CNTN1: variants seen among roughly 807,000 people sequenced by gnomAD.
CNTN1 encodes contactin-1.
Under a neutral mutation model 126.4 loss-of-function variants are expected in CNTN1, and 38 were observed. The ratio of observed to expected loss-of-function variants is 0.30; its 90% CI spans 0.23 to 0.39. The LOEUF is 0.39. Ranked by LOEUF, CNTN1 falls within the 10% of genes least tolerant of loss-of-function variation. CNTN1 has a pLI of 1.00. For synonymous variants in CNTN1, 413 were observed against 422.6 expected (o/e 0.98, Z 0.28); for missense variants, 1,009 against 1,248.4 (o/e 0.81, Z 2.89).
intron 1 of CNTN1, among the ~76,000 whole-genome samples, chr12:40,755,538 C>A (rs1023334656): frequency 6.6e-6 from 1 of 151,558 alleles, no homozygotes; most frequent in Non-Finnish European, 1.5e-5. Flanking sequence ...ATAGTGAGAT[C>A]CTCTCTCTAC....
intron 1 of CNTN1, among the ~76,000 whole-genome samples, chr12:40,860,067 T>C (rs997805319): frequency 6.6e-6 from 1 of 152,136 alleles, no homozygotes; most frequent in Non-Finnish European, 1.5e-5. Context: ...TATAAGACTT[T>C]TACATTTTTT....
intron 1 of CNTN1, among the ~76,000 whole-genome samples, chr12:40,732,765 T>C (rs577154157): frequency 5.3e-4 from 80 of 152,252 alleles, no homozygotes; most frequent in African/African-American, 1.8e-3. Flanking sequence ...GAATTAATTC[T>C]ATAAAAATCC....
intron 17 of CNTN1, among the ~76,000 whole-genome samples, chr12:41,009,465 G>T (rs1307577059): frequency 6.6e-6 from 1 of 152,136 alleles, no homozygotes; most frequent in Non-Finnish European, 1.5e-5. Flanking sequence ...CCTTACTCAG[G>T]TAACCCACTG....
At chr12:40,696,490 G>A (rs1941455993) in intron 1 of CNTN1, among the ~76,000 whole-genome samples, 1 of 152,128 alleles carries the variant, frequency 6.6e-6, no homozygotes, top group African/African-American at 2.4e-5. Flanking sequence ...TTTAATCTAA[G>A]ATGCCATGTA....
At chr12:40,732,685 A>G (rs540728332) in intron 1 of CNTN1, among the ~76,000 whole-genome samples, 9 of 152,182 alleles carry the variant, frequency 5.9e-5, no homozygotes, top group African/African-American at 1.9e-4. Flanking sequence ...GGAAACCTCA[A>G]AGAAAAGCAC....
chr12:40,957,876 T>C lies in CNTN1; in HGVS notation c.1684-1238T>C, dbSNP rs139786275. ...CTCTCAGCTATTATTCTTAACCTCA[T>C]TAATCCAGCAAGGGTTGCAAACCCA... On this transcript the variant is annotated intron_variant, in intron 14 of 23. Coordinates refer to ENST00000551295, the MANE Select transcript of CNTN1 (RefSeq NM_001843.4). Among the ~76,000 whole-genome samples, 817 of 152,092 alleles carry C rather than the reference T, an allele frequency of 5.4e-3. 8 individuals carry two copies. Among genetic ancestry groups the C allele is most frequent in the African/African-American group, 0.019 (772 of 41,524 alleles).
chr12:41,024,895 T>G (rs1949006142), intron 20 of CNTN1, among the ~76,000 whole-genome samples: 1 of 152,218 alleles, frequency 6.6e-6, no homozygotes. Flanking sequence ...TTTTTATTTT[T>G]TATTTTTTTT....
At chr12:41,040,208 G>T (rs960080739) in intron 23 of CNTN1, among the ~76,000 whole-genome samples, 1 of 152,112 alleles carries the variant, frequency 6.6e-6, no homozygotes, top group Non-Finnish European at 1.5e-5. Context: ...GTTCAGAAGT[G>T]TGTCAAAAGT....
At chr12:40,879,243 G>A (rs1943791286) in intron 1 of CNTN1, among the ~76,000 whole-genome samples, 1 of 151,970 alleles carries the variant, frequency 6.6e-6, no homozygotes, top group South Asian at 2.1e-4. Flanking sequence ...ATAGAACATT[G>A]GTTGGCAGCT....
intron 1 of CNTN1, among the ~76,000 whole-genome samples, chr12:40,734,367 G>A (rs1942568116): frequency 6.6e-6 from 1 of 152,084 alleles, no homozygotes; most frequent in Admixed American, 6.6e-5. Flanking sequence ...TCAAACTAAT[G>A]GTAAGGGTTA....
At position 40,892,203 on chromosome 12, in the gene CNTN1, G is replaced by A. The variant is rs116439042; in HGVS notation, c.-76-16154G>A. On this transcript the variant is annotated intron_variant, in intron 1 of 23. Coordinates refer to ENST00000551295, the MANE Select transcript of CNTN1 (RefSeq NM_001843.4). ...ATTTGTATTGTGAGCCTGTCTGAAG[G>A]TGAATGATGTATAGACTGGATGCGA... 5.5e-4 allele frequency among the ~76,000 whole-genome samples: 84 copies of A among 152,166 alleles called. 1 individual carries two copies. The highest frequency in any genetic ancestry group is 1.5e-3 in the African/African-American group (62 of 41,548).
chr12:40,926,202 T>TAGAC (rs1945686734), intron 6 of CNTN1, among the ~76,000 whole-genome samples: 1 of 151,370 alleles, frequency 6.6e-6, no homozygotes, highest in Admixed American at 6.6e-5. Context: ...GATAGATAGA[T>TAGAC]AGATAGATAG....
At chr12:40,902,016 GGAGA>G (rs1944626189) in intron 1 of CNTN1, among the ~76,000 whole-genome samples, 1 of 152,122 alleles carries the variant, frequency 6.6e-6, no homozygotes, top group Admixed American at 6.5e-5. Flanking sequence ...AAAATTAACT[GGAGA>G]GAGATAATAT....
At chr12:40,730,227 G>A (rs1592021817) in intron 1 of CNTN1, among the ~76,000 whole-genome samples, 1 of 152,208 alleles carries the variant, frequency 6.6e-6, no homozygotes, top group East Asian at 1.9e-4. Context: ...GACTGTTGCA[G>A]GGCATGAGAA....
chr12:40,715,890 G>A lies in CNTN1; in HGVS notation c.-77+23298G>A, dbSNP rs941919679. On this transcript the variant is annotated intron_variant, in intron 1 of 23. Transcript: ENST00000551295. Reference sequence around the variant, plus strand: ...TTTAACAATACTGATCTGATGCCTGGACACCACCATTCAGACATTCAGAGT... The same window carrying A: ...TTTAACAATACTGATCTGATGCCTGAACACCACCATTCAGACATTCAGAGT... Among the ~76,000 whole-genome samples, 5 of 152,162 alleles carry A rather than the reference G, an allele frequency of 3.3e-5. No individual in the cohort carries two copies. In the South Asian group the frequency reaches 1.0e-3, roughly 32 times the overall value.
chr12:40,933,351 A>G, intron 7 of CNTN1, 110 bp from the exon 8 acceptor site: 1 of 804,670 alleles, frequency 1.2e-6, no homozygotes, highest in Non-Finnish European at 2.2e-6. Flanking sequence ...ACCTGTACAG[A>G]GAAAAGCTTC....
At chr12:41,019,676 A>T (rs906295819) in intron 19 of CNTN1, among the ~76,000 whole-genome samples, 6 of 151,800 alleles carry the variant, frequency 4.0e-5, no homozygotes, top group Admixed American at 2.0e-4. Flanking sequence ...ATTTGACTTG[A>T]TGCCCAGTTG....
Position 40,924,597 on chromosome 12 carries a change from A to C in CNTN1, c.441A>C (p.Arg147Ser), listed in dbSNP as rs747130472. ...PFPPEERPEV[R>S]VKEGKGMVLL... ...CACCTGAGGAACGTCCTGAGGTCAG[A>C]GTAAAAGAAGGGAAAGGAATGGTGC... The change falls in exon 6 of 24, where the codon AGA becomes AGC. Residue 147 changes from arginine (R) to serine (S), a missense_variant. Arg to Ser is a moderately radical substitution (Grantham distance 110). Transcript: ENST00000551295. 6.2e-7 allele frequency: 1 copy of C among 1,608,770 alleles called. No homozygotes were observed. The highest frequency in any genetic ancestry group is 2.2e-5 in the East Asian group (1 of 44,780).
chr12:41,001,004 G>A (rs1480796676), intron 17 of CNTN1, among the ~76,000 whole-genome samples: 1 of 152,114 alleles, frequency 6.6e-6, no homozygotes, highest in Admixed American at 6.6e-5. Flanking sequence ...TGGTGTATAT[G>A]TACCACATTT....
Sources: allele counts gnomAD v4.1 joint callset (sites outside exome capture counted in the v4.1 genomes callset), GRCh38; gene constraint gnomAD v4.1.1; transcripts MANE v1.5; gene names NCBI Gene and HGNC (gene_info 2026-07-23, HGNC 2026-07-21).